AUTS2: variants seen among roughly 807,000 people sequenced by gnomAD.
The protein encoded by AUTS2 is autism susceptibility gene 2 protein.
AUTS2 carries 17 observed loss-of-function variants against 112.4 expected under a neutral mutation model. That is an observed-to-expected ratio of 0.15 (90% confidence interval 0.10 to 0.23). The LOEUF is 0.23. Ranked by LOEUF, AUTS2 falls within the 10% of genes least tolerant of loss-of-function variation. The pLI is 1.00. For synonymous variants in AUTS2, 751 were observed against 702.7 expected, an observed-to-expected ratio of 1.07 and a Z score of -1.09; for missense variants, 1,510 against 1,701.6, an observed-to-expected ratio of 0.89 and a Z score of 1.98.
At chr7:70,273,694 A>G (rs552151949) in intron 4 of AUTS2, among the ~76,000 whole-genome samples, 1 of 151,982 alleles carries the variant, frequency 6.6e-6, no homozygotes, top group Non-Finnish European at 1.5e-5. Context: ...CTTCACCCCC[A>G]TATATATTCA....
At position 70,504,976 on chromosome 7, in the gene AUTS2, G is replaced by A. The variant is rs1277662518; in HGVS notation, c.690+69195G>A. ...AAAGAAAAAAGTATGATTAGTTGTA[G>A]TTGTGTCAAAAGCTGCCTCTGAACA... On this transcript the variant is annotated intron_variant, in intron 5 of 18. Transcript: ENST00000342771. Among the ~76,000 whole-genome samples the A allele has an allele frequency of 2.6e-5, 4 of 152,320 alleles. No individual in the cohort carries two copies. In the South Asian group the frequency reaches 8.3e-4, roughly 32 times the overall value.
intron 6 of AUTS2, among the ~76,000 whole-genome samples, chr7:70,735,826 G>C (rs561910815): frequency 6.6e-6 from 1 of 152,148 alleles, no homozygotes; most frequent in South Asian, 2.1e-4. Context: ...CTAGATGAAC[G>C]GAACTACAAA....
At chr7:70,229,266 G>C (rs1201987104) in intron 4 of AUTS2, among the ~76,000 whole-genome samples, 1 of 152,008 alleles carries the variant, frequency 6.6e-6, no homozygotes, top group Non-Finnish European at 1.5e-5. Flanking sequence ...TGCTAACAGT[G>C]AATTCTTTCA....
chr7:70,676,390 T>C (rs1221880773), intron 5 of AUTS2, among the ~76,000 whole-genome samples: 1 of 151,760 alleles, frequency 6.6e-6, no homozygotes, highest in African/African-American at 2.4e-5. Flanking sequence ...CATGATGGCA[T>C]CACTGCACTC....
rs111703099 is a variant in AUTS2 at position 70,591,153 on chromosome 7, T to C, written c.691-107416T>C. Among the ~76,000 whole-genome samples the C allele has an allele frequency of 3.1e-4, 36 of 117,184 alleles. No homozygotes were observed. In the South Asian group the frequency reaches 6.6e-3, roughly 21 times the overall value. 76.9% of individuals were successfully genotyped at this position (117,184 alleles called of 152,430 possible). A position where few individuals can be genotyped will look rare whatever the true frequency, so the allele number is the denominator to read the frequency against. On this transcript the variant is annotated intron_variant, in intron 5 of 18. Coordinates refer to ENST00000342771, the MANE Select transcript of AUTS2 (RefSeq NM_015570.4). ...AGGCTGCTGATACCCACCCCACCTG[T>C]CCCCACCCCACCTGCCCCCACCCCA...
chr7:70,528,145 A>G (rs1160770286), intron 5 of AUTS2, among the ~76,000 whole-genome samples: 1 of 112,890 alleles, frequency 8.9e-6, no homozygotes, highest in Non-Finnish European at 1.8e-5. Flanking sequence ...AGATTTTTCT[A>G]TAGGGATAAG....
At chr7:70,624,196 G>A (rs537681029) in intron 5 of AUTS2, among the ~76,000 whole-genome samples, 5 of 152,304 alleles carry the variant, frequency 3.3e-5, no homozygotes, top group South Asian at 2.1e-4. Context: ...GACCATTCAG[G>A]TAAAGCACTG....
At chr7:69,637,313 C>A (rs1180102049) in intron 1 of AUTS2, among the ~76,000 whole-genome samples, 1 of 152,098 alleles carries the variant, frequency 6.6e-6, no homozygotes, top group Non-Finnish European at 1.5e-5. Flanking sequence ...TGCATACTGC[C>A]AAATTGCAAC....
At chr7:70,028,058 C>G (rs1315442653) in intron 2 of AUTS2, among the ~76,000 whole-genome samples, 1 of 152,044 alleles carries the variant, frequency 6.6e-6, no homozygotes, top group African/African-American at 2.4e-5. Flanking sequence ...CTTTCCCGCT[C>G]TGTCCGCCCC....
At position 70,337,630 on chromosome 7, in the gene AUTS2, G is replaced by A. The variant is rs191357689; in HGVS notation, c.661-98122G>A. 5.3e-5 allele frequency among the ~76,000 whole-genome samples: 8 copies of A among 152,294 alleles called. No individual in the cohort carries two copies. The East Asian group carries it at 1.3e-3, about 26-fold the overall frequency. ...TTTTGAAATACTTGCTTTTTCATGTGTTTGCTGAACACAGGTTTTATGAAA... is the reference window on the plus strand; with the variant it reads ...TTTTGAAATACTTGCTTTTTCATGTATTTGCTGAACACAGGTTTTATGAAA... On this transcript the variant is annotated intron_variant, in intron 4 of 18. Coordinates refer to ENST00000342771, the MANE Select transcript of AUTS2 (RefSeq NM_015570.4).
chr7:70,107,218 A>G (rs1804810533), intron 2 of AUTS2, among the ~76,000 whole-genome samples: 1 of 151,932 alleles, frequency 6.6e-6, no homozygotes, highest in African/African-American at 2.4e-5. Flanking sequence ...GTGATAGCAC[A>G]TTTTGAAGAC....
At chr7:70,063,016 G>C (rs898349998) in intron 2 of AUTS2, among the ~76,000 whole-genome samples, 1 of 152,088 alleles carries the variant, frequency 6.6e-6, no homozygotes, top group Non-Finnish European at 1.5e-5. Context: ...ACTGCTAAGC[G>C]AGCCCTTTTG....
intron 1 of AUTS2, among the ~76,000 whole-genome samples, chr7:69,750,373 A>C (rs189265834): frequency 6.7e-5 from 10 of 148,596 alleles, no homozygotes; most frequent in African/African-American, 2.4e-4. Flanking sequence ...TTATATTAAG[A>C]TATATTAGTA....
At chr7:70,020,930 C>T (rs1800242379) in intron 2 of AUTS2, among the ~76,000 whole-genome samples, 1 of 152,170 alleles carries the variant, frequency 6.6e-6, no homozygotes, top group Non-Finnish European at 1.5e-5. Flanking sequence ...CTTGATCTCC[C>T]AAAGTGTTGG....
At chr7:69,949,379 T>G (rs1796941243) in intron 2 of AUTS2, among the ~76,000 whole-genome samples, 1 of 152,202 alleles carries the variant, frequency 6.6e-6, no homozygotes. Flanking sequence ...CATCCAGTTC[T>G]CACAATCAAC....
At chr7:70,768,366 C>T (rs1790070921) in intron 10 of AUTS2, among the ~76,000 whole-genome samples, 1 of 149,866 alleles carries the variant, frequency 6.7e-6, no homozygotes, top group Non-Finnish European at 1.5e-5. Flanking sequence ...CAGTAGAGTT[C>T]CAGGAGAGTC....
chr7:70,145,728 G>A (rs1301996705), intron 4 of AUTS2, among the ~76,000 whole-genome samples: 4 of 152,172 alleles, frequency 2.6e-5, no homozygotes, highest in East Asian at 3.9e-4. Flanking sequence ...TTTTGAATTG[G>A]TAGAGCCATC....
chr7:69,782,506 T>G (rs779661655), intron 1 of AUTS2, among the ~76,000 whole-genome samples: 6 of 152,144 alleles, frequency 3.9e-5, no homozygotes, highest in Non-Finnish European at 7.4e-5. Context: ...TATTTGTAGC[T>G]ACAGTCAATT....
At position 70,777,020 on chromosome 7, in the gene AUTS2, A is replaced by C. The variant is rs935012246; in HGVS notation, c.1933-83A>C. ...CACGAAAAAAGCCTCTGCAGCCAAAATCTGCTGAAAGCTTTGGGGAAATTG... is the reference window on the plus strand; with the variant it reads ...CACGAAAAAAGCCTCTGCAGCCAAACTCTGCTGAAAGCTTTGGGGAAATTG... On this transcript the variant is annotated intron_variant, in intron 13 of 18. Transcript: ENST00000342771. 12 of 1,410,512 alleles carry C rather than the reference A, an allele frequency of 8.5e-6. No homozygotes were observed. In the East Asian group the frequency reaches 2.5e-4, roughly 29 times the overall value. 87.4% of individuals were successfully genotyped at this position (1,410,512 alleles called of 1,614,324 possible).
Sources: allele counts gnomAD v4.1 joint callset (sites outside exome capture counted in the v4.1 genomes callset), GRCh38; gene constraint gnomAD v4.1.1; transcripts MANE v1.5; gene names NCBI Gene and HGNC (gene_info 2026-07-23, HGNC 2026-07-21).